Variants in KCNIP4 observed in about 807,000 individuals in gnomAD.
KCNIP4 encodes Kv channel-interacting protein 4.
KCNIP4 carries 12 observed loss-of-function variants against 34.0 expected under a neutral mutation model. The observed-to-expected ratio is 0.35, with a 90% CI of 0.23 to 0.57. The LOEUF (loss-of-function observed/expected upper bound fraction) is 0.57, where lower values mean the gene tolerates loss of function less well. Ranked by LOEUF, KCNIP4 falls within the 20% of genes least tolerant of loss-of-function variation. The pLI is 0.83. For missense variants in KCNIP4, 238 were observed against 311.7 expected (o/e 0.76, Z 1.78); for synonymous variants, 124 against 102.2 (o/e 1.21, Z -1.29).
At chr4:20,893,780 T>C (rs1726205172) in intron 1 of KCNIP4, among the ~76,000 whole-genome samples, 1 of 152,094 alleles carries the variant, frequency 6.6e-6, no homozygotes, top group East Asian at 1.9e-4. Context: ...CAAAAAGGAA[T>C]TTATCAAAAA....
At chr4:21,077,562 T>C (rs1368388376) in intron 1 of KCNIP4, among the ~76,000 whole-genome samples, 1 of 152,150 alleles carries the variant, frequency 6.6e-6, no homozygotes, top group East Asian at 1.9e-4. Context: ...CTAGTTAAAC[T>C]CCAGATTTGT....
chr4:21,917,061 T>A (rs973037829), intron 1 of KCNIP4, among the ~76,000 whole-genome samples: 2 of 152,234 alleles, frequency 1.3e-5, no homozygotes, highest in Non-Finnish European at 2.9e-5. Flanking sequence ...GTCCATTCCT[T>A]ATGTAATCGA....
chr4:20,959,731 A>G (rs1381048498), intron 1 of KCNIP4, among the ~76,000 whole-genome samples: 1 of 152,124 alleles, frequency 6.6e-6, no homozygotes, highest in African/African-American at 2.4e-5. Context: ...GAACCCTTCA[A>G]CACAGAAACC....
intron 5 of KCNIP4, among the ~76,000 whole-genome samples, chr4:20,744,228 A>G (rs1390593138): frequency 1.3e-5 from 2 of 152,234 alleles, no homozygotes; most frequent in East Asian, 3.9e-4. Flanking sequence ...AGAACTAGAA[A>G]TACCATTTGA....
chr4:20,978,116 C>G (rs902897716), intron 1 of KCNIP4, among the ~76,000 whole-genome samples: 3 of 152,208 alleles, frequency 2.0e-5, no homozygotes, highest in African/African-American at 7.2e-5. Flanking sequence ...TAAGCGGGGA[C>G]TCTGCAACTC....
chr4:21,235,380 C>T (rs527834101), intron 1 of KCNIP4, among the ~76,000 whole-genome samples: 11 of 152,262 alleles, frequency 7.2e-5, no homozygotes, highest in African/African-American at 2.6e-4. Context: ...TGCTCACACA[C>T]CTCATTCTAG....
chr4:21,419,307 C>A (rs1387923428), intron 1 of KCNIP4, among the ~76,000 whole-genome samples: 1 of 152,066 alleles, frequency 6.6e-6, no homozygotes, highest in Admixed American at 6.5e-5. Context: ...TAGCTGGTTT[C>A]CTAGTGCATA....
chr4:20,732,190 A>G, intron 7 of KCNIP4, 122 bp from the exon 8 acceptor site: 2 of 685,186 alleles, frequency 2.9e-6, no homozygotes, highest in Non-Finnish European at 5.0e-6. Context: ...ACGTGGAGGA[A>G]CTGTTTCAGA....
intron 3 of KCNIP4, among the ~76,000 whole-genome samples, chr4:20,777,795 T>G (rs1261957417): frequency 6.6e-6 from 1 of 152,156 alleles, no homozygotes; most frequent in African/African-American, 2.4e-5. Flanking sequence ...CCCAGAGAAG[T>G]TGGGAAACCA....
chr4:21,096,133 G>C (rs1747441312), intron 1 of KCNIP4, among the ~76,000 whole-genome samples: 3 of 152,114 alleles, frequency 2.0e-5, no homozygotes, highest in African/African-American at 4.8e-5. Context: ...TATGATAGAG[G>C]GACTAGGCAA....
intron 1 of KCNIP4, among the ~76,000 whole-genome samples, chr4:21,728,827 C>A (rs1715387040): frequency 6.6e-6 from 1 of 152,104 alleles, no homozygotes; most frequent in South Asian, 2.1e-4. Context: ...CCCCTCAAAT[C>A]TTAGCTCAAG....
At chr4:20,878,566 C>A (rs1471146954) in intron 2 of KCNIP4, among the ~76,000 whole-genome samples, 1 of 152,162 alleles carries the variant, frequency 6.6e-6, no homozygotes, top group African/African-American at 2.4e-5. Context: ...TCTCTTCCTA[C>A]ATAAGCTCCA....
intron 1 of KCNIP4, among the ~76,000 whole-genome samples, chr4:20,900,111 G>A (rs545410310): frequency 3.3e-5 from 5 of 152,290 alleles, no homozygotes; most frequent in South Asian, 2.1e-4. Flanking sequence ...CTGTGCCTAA[G>A]TCTGTCATTC....
chr4:21,142,591 T>A (rs1752054966), intron 1 of KCNIP4, among the ~76,000 whole-genome samples: 1 of 152,040 alleles, frequency 6.6e-6, no homozygotes, highest in African/African-American at 2.4e-5. Flanking sequence ...CTCCTGGATG[T>A]GTGAGCTGTA....
At chr4:21,722,252 T>G (rs1247489513) in intron 1 of KCNIP4, among the ~76,000 whole-genome samples, 1 of 152,130 alleles carries the variant, frequency 6.6e-6, no homozygotes, top group Non-Finnish European at 1.5e-5. Flanking sequence ...ACAGCTCAAC[T>G]GGGAAGAGAG....
At chr4:21,131,119 G>C (rs1237868074) in intron 1 of KCNIP4, among the ~76,000 whole-genome samples, 1 of 152,014 alleles carries the variant, frequency 6.6e-6, no homozygotes, top group Non-Finnish European at 1.5e-5. Flanking sequence ...TGTTCATAGT[G>C]GCACATTTTT....
intron 1 of KCNIP4, among the ~76,000 whole-genome samples, chr4:21,010,149 G>A (rs1175892973): frequency 6.6e-6 from 1 of 152,148 alleles, no homozygotes; most frequent in South Asian, 2.1e-4. Flanking sequence ...AATTAAGGAT[G>A]TCTCTGAAAG....
At chr4:21,774,464 T>C (rs754745480) in intron 1 of KCNIP4, among the ~76,000 whole-genome samples, 1 of 151,130 alleles carries the variant, frequency 6.6e-6, no homozygotes, top group Non-Finnish European at 1.5e-5. Context: ...CTGTATTTCC[T>C]GAATTTTCAT....
rs532467472 is a variant in KCNIP4, at chr4:21,019,449, C to T, written c.62-136740G>A. Among the ~76,000 whole-genome samples the T allele has an allele frequency of 3.9e-5, 6 of 152,258 alleles. No individual in the cohort carries two copies. In the East Asian group the frequency reaches 7.8e-4, roughly 20 times the overall value. On this transcript the variant is annotated intron_variant, in intron 1 of 8. Transcript: ENST00000382152. ...CTGGGATTACAGGCGTGAGCCACCGCGCCCAGCCAATAACCTCATATTAAC... is the reference window on the plus strand; with the variant it reads ...CTGGGATTACAGGCGTGAGCCACCGTGCCCAGCCAATAACCTCATATTAAC...
Sources: gnomAD v4.1 joint callset for allele counts (sites outside exome capture counted in the v4.1 genomes callset) on GRCh38, gnomAD v4.1.1 for gene constraint, MANE v1.5 for transcripts, NCBI Gene and HGNC (gene_info 2026-07-23, HGNC 2026-07-21) for gene names.